The following PBX1 variants were observed in gnomAD, a reference collection of about 807,000 sequenced individuals.
PBX1 encodes PBX homeobox 1.
Under a neutral mutation model 53.4 loss-of-function variants are expected in PBX1, and 6 were observed. The ratio of observed to expected loss-of-function variants is 0.11; its 90% CI spans 0.06 to 0.22. PBX1 has a LOEUF of 0.22. PBX1 is among the 10% of genes least tolerant of loss of function. The pLI, the probability that PBX1 is intolerant of heterozygous loss-of-function variation, is 1.00. For missense variants in PBX1, 251 were observed against 551.4 expected (o/e 0.46, Z 5.46); for synonymous variants, 204 against 212.3 (o/e 0.96, Z 0.34).
chr1:164,851,024 T>G lies in PBX1; in HGVS notation c.*4348T>G, dbSNP rs1206185262. The G allele has an allele frequency of 1.3e-5, 3 of 223,246 alleles. No homozygotes were observed. Among genetic ancestry groups the G allele is most frequent in the Non-Finnish European group, 2.7e-5 (3 of 111,732 alleles). 13.8% of individuals were successfully genotyped at this position (223,246 alleles called of 1,614,324 possible). On this transcript the variant is annotated 3_prime_UTR_variant, in exon 9 of 9. Transcript: ENST00000420696. Reference sequence around the variant, plus strand: ...TGCAGGAAGAAGTCCTTGGGGCCAGTCTGCCAGCTGAGTCCTGGTTTTGGA... The same window carrying G: ...TGCAGGAAGAAGTCCTTGGGGCCAGGCTGCCAGCTGAGTCCTGGTTTTGGA...
intron 2 of PBX1, among the ~76,000 whole-genome samples, chr1:164,757,657 A>G (rs1666601211): frequency 6.6e-6 from 1 of 152,232 alleles, no homozygotes; most frequent in Admixed American, 6.5e-5. Context: ...GACAAGGAAT[A>G]AGAAAGGATT....
At chr1:164,704,388 G>C (rs1174991173) in intron 2 of PBX1, among the ~76,000 whole-genome samples, 3 of 152,142 alleles carry the variant, frequency 2.0e-5, no homozygotes, top group Non-Finnish European at 2.9e-5. Flanking sequence ...CTCTATAGTG[G>C]CATTTTAAAG....
chr1:164,792,646 G>T lies in PBX1; in HGVS notation c.418G>T (p.Gly140Cys). Residue 140 changes from glycine (G) to cysteine (C), a missense_variant, in exon 3 of 9, where the codon GGT (glycine) becomes TGT (cysteine). By Grantham distance (159) the Gly-to-Cys change is radical. This residue lies in a region of PBX1 where 76 missense variants were observed against 197.5 expected (regional missense o/e 0.38). Coordinates refer to ENST00000420696, the MANE Select transcript of PBX1 (RefSeq NM_002585.4). ...AAAAAASGGA[G>C]SDNSVEHSDY... ...AGCGGCGGCGGCTTCTGGAGGGGCA[G>T]GTTCAGACAACTCAGTGGAGCATTC... 6.2e-7 allele frequency: 1 copy of T among 1,614,044 alleles called. No homozygotes were observed. The highest frequency in any genetic ancestry group is 1.1e-5 in the South Asian group (1 of 91,076).
intron 2 of PBX1, among the ~76,000 whole-genome samples, chr1:164,592,237 G>A (rs951170238): frequency 6.6e-6 from 1 of 152,222 alleles, no homozygotes; most frequent in Non-Finnish European, 1.5e-5. Flanking sequence ...AGGGCTCATA[G>A]TTTGAGTGTG....
In PBX1 at chr1:164,670,773, G is replaced by A. The variant is rs949345940; in HGVS notation, c.265+107462G>A. On this transcript the variant is annotated intron_variant, in intron 2 of 8. Coordinates refer to ENST00000420696, the MANE Select transcript of PBX1 (RefSeq NM_002585.4). The stretch of plus-strand genomic sequence containing the variant: ...AGAAAGTGATAGGGCAAGGCTTCTT[G>A]TAAACCAAGGCCTGGATGCCGTTAA... Among the ~76,000 whole-genome samples, 4 of 152,214 alleles carry A rather than the reference G, an allele frequency of 2.6e-5. No homozygotes were observed. The South Asian group carries it at 8.3e-4, about 32-fold the overall frequency.
chr1:164,700,455 T>C, intron 2 of PBX1: 2 of 985,328 alleles, frequency 2.0e-6, no homozygotes, highest in Non-Finnish European at 2.4e-6. Context: ...GGGAGGAGAT[T>C]CATGTTACTT....
At chr1:164,565,149 A>G (rs1653343489) in intron 2 of PBX1, among the ~76,000 whole-genome samples, 1 of 152,110 alleles carries the variant, frequency 6.6e-6, no homozygotes, top group Non-Finnish European at 1.5e-5. Flanking sequence ...GGGTGTGAAT[A>G]GAGATCCGGT....
At chr1:164,577,112 G>A (rs1331386055) in intron 2 of PBX1, 2 of 152,198 alleles carry the variant, frequency 1.3e-5, no homozygotes, top group Non-Finnish European at 2.9e-5. Flanking sequence ...TTGCTTTATG[G>A]TAATGAAATG....
At chr1:164,751,505 C>T (rs1406134313) in intron 2 of PBX1, among the ~76,000 whole-genome samples, 9 of 151,186 alleles carry the variant, frequency 6.0e-5, no homozygotes, top group Admixed American at 5.9e-4. Context: ...ACTCTTCTCA[C>T]TAATATATTT....
chr1:164,851,667 T>C lies in PBX1; in HGVS notation c.*4991T>C, dbSNP rs1671846551. 2.2e-5 allele frequency: 4 copies of C among 184,132 alleles called. No individual in the cohort carries two copies. The highest frequency in any genetic ancestry group is 4.0e-3 in the Middle Eastern group (2 of 502). 11.4% of individuals were successfully genotyped at this position (184,132 alleles called of 1,614,324 possible). ...CTGCTCTGTTTTGGTTTTGAAAGTT[T>C]AAGCTTTTCTGCTTCTGTGAGAGCA... On this transcript the variant is annotated 3_prime_UTR_variant, in exon 9 of 9. Coordinates refer to ENST00000420696, the MANE Select transcript of PBX1 (RefSeq NM_002585.4).
At chr1:164,588,398 C>T (rs1328280592) in intron 2 of PBX1, among the ~76,000 whole-genome samples, 5 of 147,354 alleles carry the variant, frequency 3.4e-5, no homozygotes, top group East Asian at 2.0e-4. Context: ...GTAAAAGTTG[C>T]CAGCCAGTAT....
chr1:164,808,333 G>A (rs1669450521), intron 5 of PBX1, among the ~76,000 whole-genome samples: 1 of 152,072 alleles, frequency 6.6e-6, no homozygotes, highest in Non-Finnish European at 1.5e-5. Flanking sequence ...CGAATATGAA[G>A]CAGAGAAGTA....
At chr1:164,717,698 CTAGTCT>C (rs1664179965) in intron 2 of PBX1, among the ~76,000 whole-genome samples, 1 of 152,142 alleles carries the variant, frequency 6.6e-6, no homozygotes, top group Non-Finnish European at 1.5e-5. Context: ...TTTATTTCAT[CTAGTCT>C]TACCTGGAAA....
chr1:164,724,670 AT>A (rs59042806), intron 2 of PBX1, among the ~76,000 whole-genome samples: 29 of 48,202 alleles, frequency 6.0e-4, no homozygotes, highest in Admixed American at 7.4e-4. Context: ...ATAGCTGCAG[AT>A]TTTTTTTTTT....
intron 2 of PBX1, among the ~76,000 whole-genome samples, chr1:164,649,822 T>C (rs1258200229): frequency 6.6e-6 from 1 of 152,228 alleles, no homozygotes; most frequent in East Asian, 1.9e-4. Flanking sequence ...CTTTCTCTTA[T>C]GAATTCCTCT....
intron 2 of PBX1, among the ~76,000 whole-genome samples, chr1:164,781,617 C>T (rs913594325): frequency 1.6e-4 from 25 of 152,130 alleles, no homozygotes; most frequent in African/African-American, 5.8e-4. Flanking sequence ...AGCCACTCCT[C>T]ACCACCTACC....
chr1:164,880,212 C>G (rs186402183), intron 2 of PBX1, among the ~76,000 whole-genome samples: 3 of 152,306 alleles, frequency 2.0e-5, no homozygotes, highest in Admixed American at 2.0e-4. Context: ...ACATGTTGGG[C>G]ACCTTCTGTG....
At chr1:164,845,490 C>T (rs893615340) in intron 8 of PBX1, among the ~76,000 whole-genome samples, 9 of 152,134 alleles carry the variant, frequency 5.9e-5, no homozygotes, top group Admixed American at 3.3e-4. Flanking sequence ...ATCTGTTCAA[C>T]GTGAACTACA....
chr1:164,778,508 G>A (rs908496504), intron 2 of PBX1, among the ~76,000 whole-genome samples: 3 of 152,034 alleles, frequency 2.0e-5, no homozygotes, highest in African/African-American at 7.2e-5. Context: ...GTGGTAGTGT[G>A]TGCCTGTAGT....
Sources: allele counts gnomAD v4.1 joint callset (sites outside exome capture counted in the v4.1 genomes callset), GRCh38; gene constraint gnomAD v4.1.1; regional missense constraint gnomAD v4.1.1; transcripts MANE v1.5; gene names NCBI Gene and HGNC (gene_info 2026-07-23, HGNC 2026-07-21).